The following UBQLN1 variants were observed in gnomAD, a reference collection of about 807,000 sequenced individuals.
The protein encoded by UBQLN1 is ubiquilin-1.
In UBQLN1, 13 loss-of-function variants were observed where a neutral mutation model predicts 65.4. The ratio of observed to expected loss-of-function variants is 0.20; its 90% CI spans 0.13 to 0.32. The LOEUF (loss-of-function observed/expected upper bound fraction) is 0.32, where lower values mean the gene tolerates loss of function less well. Among genes scored for constraint, UBQLN1 ranks in the 10% least tolerant of loss-of-function variants. UBQLN1 has a pLI of 1.00. For missense variants in UBQLN1, 561 were observed against 724.0 expected (o/e 0.77, Z 2.58); for synonymous variants, 267 against 247.8 (o/e 1.08, Z -0.73).
intron 1 of UBQLN1, among the ~76,000 whole-genome samples, chr9:83,692,462 C>T (rs1392075722): frequency 3.3e-5 from 5 of 152,148 alleles, no homozygotes; most frequent in African/African-American, 1.2e-4. Context: ...TATGGAAAAA[C>T]TTAATTAGCC....
intron 8 of UBQLN1, 60 bp downstream of exon 8, chr9:83,666,290 A>G (rs974567886): frequency 5.2e-6 from 8 of 1,530,416 alleles, no homozygotes; most frequent in Non-Finnish European, 5.4e-6. Context: ...AAAAATGTTT[A>G]TCATCAAATT....
At chr9:83,682,906 G>A (rs1831968591) in intron 3 of UBQLN1, 45 bp downstream of exon 3, 3 of 1,055,426 alleles carry the variant, frequency 2.8e-6, no homozygotes, top group Non-Finnish European at 4.2e-6. Flanking sequence ...GGAAGGGAAA[G>A]GAGTATTTTT....
intron 1 of UBQLN1, among the ~76,000 whole-genome samples, chr9:83,695,016 T>C (rs10868044): frequency 0.7 from 106,999 of 152,010 alleles, 38,526 homozygotes; most frequent in East Asian, 0.88. Context: ...GCTAGTTCTA[T>C]ATGGAAAGAC....
At chr9:83,663,793 T>C in intron 10 of UBQLN1, 82 bp downstream of exon 10, 1 of 1,469,584 alleles carries the variant, frequency 6.8e-7, no homozygotes, top group South Asian at 1.3e-5. Context: ...CTTTCCTTTT[T>C]TCTCCCTTTT....
rs913551231 is a variant in UBQLN1 at position 83,661,034 on chromosome 9, G to A, written c.*753C>T. On this transcript the variant is annotated 3_prime_UTR_variant, in exon 11 of 11. Transcript: ENST00000376395. ...ATTTACAGTCAATCTGTGAATGAAT[G>A]TTGAGACAATGTTACATTATGTGTC... is the stretch of plus-strand genomic sequence containing the variant. 3 of 152,182 alleles carry A rather than the reference G, an allele frequency of 2.0e-5. No homozygotes were observed. The highest frequency in any genetic ancestry group is 4.4e-5 in the Non-Finnish European group (3 of 68,028). The allele number at this position is 152,182 out of a possible 1,614,324, so 9.4% of individuals were successfully genotyped here.
chr9:83,684,526 A>T (rs1014299186), intron 2 of UBQLN1, among the ~76,000 whole-genome samples: 1 of 152,050 alleles, frequency 6.6e-6, no homozygotes, highest in African/African-American at 2.4e-5. Flanking sequence ...TCTAAAAGGA[A>T]ATAAGCCAGA....
intron 8 of UBQLN1, among the ~76,000 whole-genome samples, chr9:83,665,774 C>T (rs750679430): frequency 2.0e-5 from 3 of 152,114 alleles, no homozygotes; most frequent in Admixed American, 1.3e-4. Context: ...TTCAAAACAC[C>T]AAGACTGACT....
intron 2 of UBQLN1, among the ~76,000 whole-genome samples, chr9:83,683,692 G>A (rs1587651380): frequency 6.6e-6 from 1 of 152,078 alleles, no homozygotes; most frequent in East Asian, 1.9e-4. Flanking sequence ...GGAAGCCAAT[G>A]ACCAGTTACA....
intron 1 of UBQLN1, among the ~76,000 whole-genome samples, chr9:83,692,781 G>A (rs2131177865): frequency 6.6e-6 from 1 of 152,286 alleles, no homozygotes; most frequent in South Asian, 2.1e-4. Context: ...GAACCCGGGA[G>A]GTGGAGGTTG....
chr9:83,677,582 A>G (rs1831856741), intron 6 of UBQLN1, 145 bp downstream of exon 6: 1 of 681,914 alleles, frequency 1.5e-6, no homozygotes, highest in Non-Finnish European at 2.3e-6. Flanking sequence ...AAACAAAACA[A>G]AACAAAAGCA....
At chr9:83,663,034 T>C (rs1370288869) in intron 10 of UBQLN1, among the ~76,000 whole-genome samples, 1 of 138,768 alleles carries the variant, frequency 7.2e-6, no homozygotes, top group East Asian at 2.2e-4. Context: ...TGTGATTGCA[T>C]CCAGCCTGGG....
intron 7 of UBQLN1, 183 bp downstream of exon 7, chr9:83,669,002 A>G: frequency 1.6e-6 from 1 of 616,544 alleles, no homozygotes; most frequent in Non-Finnish European, 2.5e-6. Context: ...TGTTTTAATT[A>G]CATATGAAGT....
chr9:83,681,381 T>A (rs1831937627), intron 3 of UBQLN1, among the ~76,000 whole-genome samples: 1 of 152,088 alleles, frequency 6.6e-6, no homozygotes, highest in Non-Finnish European at 1.5e-5. Flanking sequence ...AAGAAAGACA[T>A]CCTCAGAACT....
At chr9:83,668,474 A>G (rs1006485940) in intron 7 of UBQLN1, 31 of 985,264 alleles carry the variant, frequency 3.1e-5, no homozygotes, top group Non-Finnish European at 3.7e-5. Context: ...GAACCTAGAT[A>G]GTACCTAGGC....
At position 83,661,503 on chromosome 9, in the gene UBQLN1, T is replaced by G. The variant is rs148502447; in HGVS notation, c.*284A>C. ...TTAAAAAGCAAATAAACTGGACAGA[T>G]GCAGGACAAAATCTGGTCACCCAAC... On this transcript the variant is annotated 3_prime_UTR_variant, in exon 11 of 11. Coordinates refer to ENST00000376395, the MANE Select transcript of UBQLN1 (RefSeq NM_013438.5). The G allele has an allele frequency of 4.1e-4, 113 of 274,408 alleles. No homozygotes were observed. Among genetic ancestry groups the G allele is most frequent in the Non-Finnish European group, 7.2e-4 (106 of 146,470 alleles). 17.0% of individuals were successfully genotyped at this position (274,408 alleles called of 1,614,324 possible).
chr9:83,707,309 G>A (rs1261474480), intron 1 of UBQLN1, among the ~76,000 whole-genome samples, 191 bp downstream of exon 1: 1 of 152,136 alleles, frequency 6.6e-6, no homozygotes. Context: ...AGGCCGCGCC[G>A]CCACGCCACA....
At chr9:83,668,546 A>T in intron 7 of UBQLN1, 1 of 985,452 alleles carries the variant, frequency 1.0e-6, no homozygotes, top group African/African-American at 1.7e-5. Flanking sequence ...ATGAGGCCCC[A>T]ACCATCGGTA....
intron 1 of UBQLN1, among the ~76,000 whole-genome samples, chr9:83,690,233 G>C (rs1332549629): frequency 6.6e-6 from 1 of 152,142 alleles, no homozygotes; most frequent in Non-Finnish European, 1.5e-5. Context: ...CTATAGTATA[G>C]TCATTTGATA....
At chr9:83,691,537 C>T (rs1396816455) in intron 1 of UBQLN1, among the ~76,000 whole-genome samples, 1 of 152,218 alleles carries the variant, frequency 6.6e-6, no homozygotes, top group Non-Finnish European at 1.5e-5. Flanking sequence ...CTAAGGGCTT[C>T]TCTACAATGT....
Sources: gnomAD v4.1 joint callset for allele counts (sites outside exome capture counted in the v4.1 genomes callset) on GRCh38, gnomAD v4.1.1 for gene constraint, MANE v1.5 for transcripts, NCBI Gene and HGNC (gene_info 2026-07-23, HGNC 2026-07-21) for gene names.